FBXL4: variants seen among roughly 807,000 people sequenced by gnomAD.
FBXL4 encodes F-box and leucine rich repeat protein 4, also known as F-box/LRR-repeat protein 4.
FBXL4 carries 40 observed loss-of-function variants against 58.9 expected under a neutral mutation model. The observed-to-expected ratio is 0.68, with a 90% CI of 0.53 to 0.88. The LOEUF is 0.88. Ranked by LOEUF, FBXL4 falls within the 40% of genes least tolerant of loss-of-function variation. The pLI, the probability that FBXL4 is intolerant of heterozygous loss-of-function variation, is 0.00. For synonymous variants in FBXL4, 263 were observed against 265.5 expected (o/e 0.99, Z 0.09); for missense variants, 676 against 734.4 (o/e 0.92, Z 0.92).
At chr6:98,943,349 G>T (rs1164062472) in intron 1 of FBXL4, among the ~76,000 whole-genome samples, 1 of 151,728 alleles carries the variant, frequency 6.6e-6, no homozygotes, top group Non-Finnish European at 1.5e-5. Context: ...AAGGCGGGTG[G>T]ATCACTTGAG....
intron 5 of FBXL4, among the ~76,000 whole-genome samples, chr6:98,913,105 T>G (rs1464681647): frequency 6.6e-6 from 1 of 152,058 alleles, no homozygotes; most frequent in African/African-American, 2.4e-5. Flanking sequence ...GGTAAAGGGA[T>G]CAATTCAACA....
intron 1 of FBXL4, among the ~76,000 whole-genome samples, chr6:98,944,695 G>GTT (rs1307926365): frequency 2.6e-5 from 4 of 152,102 alleles, no homozygotes; most frequent in Non-Finnish European, 5.9e-5. Context: ...GGGCAGGTTT[G>GTT]TTTACCATGT....
intron 7 of FBXL4, among the ~76,000 whole-genome samples, chr6:98,892,323 G>A (rs113216474): frequency 2.6e-5 from 4 of 152,072 alleles, no homozygotes; most frequent in East Asian, 1.9e-4. Flanking sequence ...GACCAAAGCC[G>A]GTTCTTTCTA....
intron 5 of FBXL4, among the ~76,000 whole-genome samples, chr6:98,913,640 A>G (rs1348843089): frequency 6.6e-6 from 1 of 152,234 alleles, no homozygotes; most frequent in Non-Finnish European, 1.5e-5. Flanking sequence ...ACAACATACC[A>G]GAATCTCTGG....
At chr6:98,916,024 C>G (rs1240360633) in intron 5 of FBXL4, among the ~76,000 whole-genome samples, 5 of 152,214 alleles carry the variant, frequency 3.3e-5, no homozygotes, top group Non-Finnish European at 5.9e-5. Flanking sequence ...ACAGACACTT[C>G]TCAAAAGAAG....
In FBXL4 at chr6:98,905,619, C is replaced by T. The variant is rs1234969874; in HGVS notation, c.910G>A (p.Ala304Thr). 1 of 1,612,800 alleles carries T rather than the reference C, an allele frequency of 6.2e-7. No homozygotes were observed. The highest frequency in any genetic ancestry group is 1.1e-5 in the South Asian group (1 of 91,000). The change falls in exon 6 of 10, where the codon GCA (alanine) becomes ACA (threonine). Residue 304 changes from alanine (A) to threonine (T), a missense_variant. Transcript: ENST00000369244. ...HLTLPDLCRL[A>T]QTCKLLSQHC... ...TGGCTCAGTAGTTTGCAAGTCTGTG[C>T]TAATCTACACAGGTCTGGTAGTGTA... is the stretch of plus-strand genomic sequence containing the variant.
intron 6 of FBXL4, among the ~76,000 whole-genome samples, chr6:98,905,009 G>A (rs1771745000): frequency 6.6e-6 from 1 of 152,174 alleles, no homozygotes; most frequent in Non-Finnish European, 1.5e-5. Context: ...TATTGCACAT[G>A]TAATTAAGAT....
intron 5 of FBXL4, among the ~76,000 whole-genome samples, chr6:98,910,449 C>T (rs917085512): frequency 2.0e-5 from 3 of 151,696 alleles, no homozygotes; most frequent in Non-Finnish European, 4.4e-5. Flanking sequence ...GTCAGGAGAT[C>T]GAGACAATAC....
chr6:98,900,730 G>C (rs1343867258), intron 6 of FBXL4, among the ~76,000 whole-genome samples: 1 of 152,160 alleles, frequency 6.6e-6, no homozygotes, highest in African/African-American at 2.4e-5. Flanking sequence ...AAATTCAGTT[G>C]CTGCAAATTT....
chr6:98,875,183 TAC>T, intron 9 of FBXL4: 1 of 523,920 alleles, frequency 1.9e-6, no homozygotes, highest in South Asian at 2.2e-5. Flanking sequence ...TATAGTTTTT[TAC>T]AGTTTCAACT....
intron 5 of FBXL4, among the ~76,000 whole-genome samples, chr6:98,916,724 C>A (rs1051317015): frequency 1.3e-5 from 2 of 150,706 alleles, no homozygotes; most frequent in Non-Finnish European, 2.9e-5. Context: ...TGCTAAATGA[C>A]GAGTTGATGG....
At chr6:98,898,737 C>A in intron 7 of FBXL4, 1 of 984,478 alleles carries the variant, frequency 1.0e-6, no homozygotes, top group African/African-American at 1.7e-5. Context: ...TACACTATTA[C>A]AGTAAAAGAG....
intron 7 of FBXL4, among the ~76,000 whole-genome samples, chr6:98,890,637 A>G (rs899902110): frequency 6.6e-6 from 1 of 152,154 alleles, no homozygotes; most frequent in African/African-American, 2.4e-5. Flanking sequence ...AAAAGTTGAA[A>G]GCCAGGTGCA....
At chr6:98,910,889 G>A (rs1426954123) in intron 5 of FBXL4, among the ~76,000 whole-genome samples, 1 of 152,180 alleles carries the variant, frequency 6.6e-6, no homozygotes, top group East Asian at 1.9e-4. Flanking sequence ...GCCTCACTTG[G>A]GAAGCACAAG....
intron 7 of FBXL4, among the ~76,000 whole-genome samples, chr6:98,883,532 T>A (rs186156863): frequency 9.7e-4 from 148 of 152,024 alleles, no homozygotes; most frequent in African/African-American, 3.3e-3. Context: ...TCTTTTTTTT[T>A]AAAATCAGAG....
At chr6:98,941,986 A>G (rs1412728509) in intron 1 of FBXL4, among the ~76,000 whole-genome samples, 2 of 152,072 alleles carry the variant, frequency 1.3e-5, no homozygotes, top group Non-Finnish European at 2.9e-5. Context: ...TAAGAGACAA[A>G]TAAATGACCT....
At chr6:98,903,217 T>A (rs1771676473) in intron 6 of FBXL4, among the ~76,000 whole-genome samples, 2 of 152,122 alleles carry the variant, frequency 1.3e-5, no homozygotes. Flanking sequence ...TCATTAATAA[T>A]CAAGCCATGC....
At chr6:98,915,512 G>A (rs1321774528) in intron 5 of FBXL4, among the ~76,000 whole-genome samples, 3 of 150,938 alleles carry the variant, frequency 2.0e-5, no homozygotes, top group East Asian at 3.9e-4. Flanking sequence ...CAGAAATAAC[G>A]CCACATATCT....
chr6:98,931,005 TA>T (rs1368926459), intron 2 of FBXL4, among the ~76,000 whole-genome samples: 1 of 152,208 alleles, frequency 6.6e-6, no homozygotes, highest in African/African-American at 2.4e-5. Flanking sequence ...TCAGCTAATT[TA>T]GAAGACTATG....
Sources: allele counts gnomAD v4.1 joint callset (sites outside exome capture counted in the v4.1 genomes callset), GRCh38; gene constraint gnomAD v4.1.1; transcripts MANE v1.5; gene names NCBI Gene and HGNC (gene_info 2026-07-23, HGNC 2026-07-21).